Variants in ADARB2 observed in about 807,000 individuals in gnomAD.
ADARB2 encodes the protein adenosine deaminase RNA specific B2 (inactive).
In ADARB2, 25 loss-of-function variants were observed where a neutral mutation model predicts 62.2. The ratio of observed to expected loss-of-function variants is 0.40; its 90% CI spans 0.29 to 0.56. The LOEUF (loss-of-function observed/expected upper bound fraction) is 0.56, where lower values mean the gene tolerates loss of function less well. Among genes scored for constraint, ADARB2 ranks in the 20% least tolerant of loss-of-function variants. The probability of loss-of-function intolerance (pLI) is 0.43; values close to 1 mark genes in which losing one functional copy is unlikely to be tolerated. For synonymous variants in ADARB2, 572 were observed against 500.8 expected (o/e 1.14, Z -1.90); for missense variants, 1,071 against 1,077.4 (o/e 0.99, Z 0.08).
At chr10:1,472,865 C>T (rs1444217582) in intron 1 of ADARB2, among the ~76,000 whole-genome samples, 2 of 152,130 alleles carry the variant, frequency 1.3e-5, no homozygotes, top group Non-Finnish European at 2.9e-5. Context: ...TGTCGGGTGC[C>T]ATCAGGTGGC....
intron 1 of ADARB2, among the ~76,000 whole-genome samples, chr10:1,611,010 A>G (rs969920870): frequency 6.6e-6 from 1 of 152,186 alleles, no homozygotes; most frequent in African/African-American, 2.4e-5. Context: ...TAGGAAATAC[A>G]TATGGTCCAT....
At chr10:1,607,182 TG>T (rs1460120396) in intron 1 of ADARB2, among the ~76,000 whole-genome samples, 1 of 152,252 alleles carries the variant, frequency 6.6e-6, no homozygotes, top group Non-Finnish European at 1.5e-5. Flanking sequence ...TTCTCGCAAG[TG>T]GCTGATCCCT....
intron 1 of ADARB2, among the ~76,000 whole-genome samples, chr10:1,503,940 GC>G (rs1831801153): frequency 6.6e-6 from 1 of 152,164 alleles, no homozygotes; most frequent in Non-Finnish European, 1.5e-5. Flanking sequence ...AGAACCGTGA[GC>G]CATTTAAACC....
At chr10:1,305,794 A>G (rs556961011) in intron 3 of ADARB2, among the ~76,000 whole-genome samples, 5 of 152,336 alleles carry the variant, frequency 3.3e-5, no homozygotes, top group Admixed American at 6.5e-5. Flanking sequence ...AGAGCCAAAG[A>G]CAAACACCAC....
At chr10:1,268,220 C>G (rs1831225176) in intron 4 of ADARB2, among the ~76,000 whole-genome samples, 1 of 151,978 alleles carries the variant, frequency 6.6e-6, no homozygotes, top group Non-Finnish European at 1.5e-5. Context: ...CTTAGAATCA[C>G]AAGAAAAAAA....
At chr10:1,489,507 T>A (rs1351982418) in intron 1 of ADARB2, among the ~76,000 whole-genome samples, 1 of 152,262 alleles carries the variant, frequency 6.6e-6, no homozygotes, top group Non-Finnish European at 1.5e-5. Flanking sequence ...CCACTTAATG[T>A]GTTGCCCATT....
At chr10:1,445,273 T>A (rs936706618) in intron 1 of ADARB2, among the ~76,000 whole-genome samples, 2 of 151,698 alleles carry the variant, frequency 1.3e-5, no homozygotes, top group Non-Finnish European at 2.9e-5. Context: ...CATCCATCCA[T>A]CCACCCACCC....
At chr10:1,482,535 G>A (rs944855688) in intron 1 of ADARB2, among the ~76,000 whole-genome samples, 12 of 152,206 alleles carry the variant, frequency 7.9e-5, no homozygotes, top group East Asian at 3.8e-4. Flanking sequence ...GTGGGAGTTC[G>A]TGTTTAATGG....
chr10:1,278,697 A>G (rs1052434213), intron 3 of ADARB2, among the ~76,000 whole-genome samples: 1 of 151,086 alleles, frequency 6.6e-6, no homozygotes, highest in Non-Finnish European at 1.5e-5. Flanking sequence ...AAGGTTTCCT[A>G]TTCCCCTGTT....
At chr10:1,292,138 G>T (rs565634879) in intron 3 of ADARB2, 68 of 152,380 alleles carry the variant, frequency 4.5e-4, no homozygotes, top group African/African-American at 1.6e-3. Context: ...GATAGTCTGG[G>T]AGTGGGTAGG....
chr10:1,290,602 A>ACCT (rs1831457269), intron 3 of ADARB2: 1 of 152,192 alleles, frequency 6.6e-6, no homozygotes, highest in Non-Finnish European at 1.5e-5. Flanking sequence ...AGGGCTTTTC[A>ACCT]CTAATTGAGG....
chr10:1,496,139 A>T (rs1434034781), intron 1 of ADARB2, among the ~76,000 whole-genome samples: 1 of 151,734 alleles, frequency 6.6e-6, no homozygotes, highest in Admixed American at 6.6e-5. Flanking sequence ...CTTAGTCATC[A>T]TAATCACCAT....
chr10:1,308,584 TC>T (rs1386137797), intron 3 of ADARB2, among the ~76,000 whole-genome samples: 3 of 152,218 alleles, frequency 2.0e-5, no homozygotes, highest in Non-Finnish European at 2.9e-5. Flanking sequence ...CACGCTGTCT[TC>T]CACAGTGGGT....
chr10:1,549,046 A>T (rs548544837), intron 1 of ADARB2, among the ~76,000 whole-genome samples: 1 of 152,254 alleles, frequency 6.6e-6, no homozygotes, highest in African/African-American at 2.4e-5. Flanking sequence ...AAAGAGAGGG[A>T]GAATCTGAAG....
intron 3 of ADARB2, among the ~76,000 whole-genome samples, chr10:1,334,432 G>A (rs901730680): frequency 2.0e-5 from 3 of 152,124 alleles, no homozygotes; most frequent in African/African-American, 7.2e-5. Flanking sequence ...CCAGAGAGTA[G>A]GAATATTTCT....
chr10:1,275,664 C>G (rs1163077380), intron 3 of ADARB2, among the ~76,000 whole-genome samples: 10 of 122,910 alleles, frequency 8.1e-5, no homozygotes, highest in Admixed American at 3.5e-4. Flanking sequence ...CCCCTCCCCC[C>G]ACCCCACAAC....
chr10:1,506,203 A>G (rs1000020539), intron 1 of ADARB2, among the ~76,000 whole-genome samples: 2 of 152,228 alleles, frequency 1.3e-5, no homozygotes, highest in African/African-American at 4.8e-5. Flanking sequence ...TTGGTCAGGA[A>G]GAAATTTAAC....
intron 1 of ADARB2, among the ~76,000 whole-genome samples, chr10:1,672,507 G>A (rs1025247402): frequency 2.6e-5 from 4 of 152,148 alleles, no homozygotes; most frequent in African/African-American, 9.7e-5. Context: ...CCTCCAGGCC[G>A]CACTTCTCCA....
At chr10:1,415,248 A>C (rs1832792249) in intron 1 of ADARB2, among the ~76,000 whole-genome samples, 1 of 151,106 alleles carries the variant, frequency 6.6e-6, no homozygotes, top group Non-Finnish European at 1.5e-5. Context: ...AGATGGGTAC[A>C]AGGGTACATG....
Sources: allele counts gnomAD v4.1 joint callset (sites outside exome capture counted in the v4.1 genomes callset), GRCh38; gene constraint gnomAD v4.1.1; transcripts MANE v1.5; gene names NCBI Gene and HGNC (gene_info 2026-07-23, HGNC 2026-07-21).